Variants in MADD observed in about 807,000 individuals in gnomAD.
The protein encoded by MADD is MAP kinase-activating death domain protein.
Under a neutral mutation model 176.7 loss-of-function variants are expected in MADD, and 109 were observed. The ratio of observed to expected loss-of-function variants is 0.62; its 90% confidence interval spans 0.53 to 0.72. The LOEUF (loss-of-function observed/expected upper bound fraction) is 0.72. Ranked by LOEUF, MADD falls within the 30% of genes least tolerant of loss-of-function variation. MADD has a pLI of 0.00. For missense variants in MADD, 1,914 were observed against 2,045.5 expected, an observed-to-expected ratio of 0.94 and a Z score of 1.24; for synonymous variants, 771 against 771.3, an observed-to-expected ratio of 1.00 and a Z score of 0.01.
intron 26 of MADD, among the ~76,000 whole-genome samples, chr11:47,312,945 T>G (rs1428006512): frequency 6.6e-6 from 1 of 152,254 alleles, no homozygotes; most frequent in Non-Finnish European, 1.5e-5. Context: ...TTTGTTCACC[T>G]TGAGTTGCAA....
At chr11:47,285,946 G>A (rs949775526) in intron 14 of MADD, among the ~76,000 whole-genome samples, 4 of 152,138 alleles carry the variant, frequency 2.6e-5, no homozygotes, top group East Asian at 1.9e-4. Flanking sequence ...GCCTCATAAC[G>A]GACTCTTCCA....
rs746579562 is a variant in MADD, at chr11:47,286,476, C to T, written c.2595C>T (p.Asn865=). The change falls in exon 15 of 33, where the codon AAC becomes AAT. Residue 865 remains asparagine, a synonymous_variant. Coordinates refer to ENST00000402192, the Ensembl canonical transcript of MADD. ...ACAGTACCAGCTTCAGTCTTTCAAA[C>T]CTCACACTGCCCACCAAAGGTGCCC... 9.3e-6 allele frequency: 15 copies of T among 1,614,078 alleles called. No homozygotes were observed. In the South Asian group the frequency reaches 1.3e-4, roughly 14 times the overall value.
At chr11:47,312,146 T>C (rs985178876) in intron 26 of MADD, among the ~76,000 whole-genome samples, 2 of 152,228 alleles carry the variant, frequency 1.3e-5, no homozygotes, top group Non-Finnish European at 2.9e-5. Context: ...CAGTGATGGG[T>C]AAAACTGCTG....
chr11:47,271,425 G>A (rs930220071), intron 1 of MADD, among the ~76,000 whole-genome samples: 1 of 152,216 alleles, frequency 6.6e-6, no homozygotes. Flanking sequence ...CCTACCACCC[G>A]TAGCTAGAAT....
intron 1 of MADD, chr11:47,270,789 C>T (rs924489709): frequency 2.0e-5 from 3 of 152,468 alleles, no homozygotes; most frequent in African/African-American, 4.8e-5. Flanking sequence ...TCCCTGCCCT[C>T]CCCTCTACCC....
intron 31 of MADD, 197 bp from the exon 36 acceptor site, chr11:47,328,461 A>G (rs1245627050): frequency 1.4e-6 from 2 of 1,452,686 alleles, no homozygotes; most frequent in South Asian, 1.5e-5. Context: ...GGCTAGGGCC[A>G]TGTCCTCCCA....
At chr11:47,308,518 G>A in intron 22 of MADD, 73 bp from the exon 25 acceptor site, 1 of 1,046,160 alleles carries the variant, frequency 9.6e-7, no homozygotes, top group South Asian at 1.4e-5. Context: ...GAGCCTCTTA[G>A]TGAAGTGCGT....
chr11:47,306,173 A>C (rs1358553460), intron 22 of MADD, among the ~76,000 whole-genome samples: 2 of 152,134 alleles, frequency 1.3e-5, no homozygotes, highest in Non-Finnish European at 2.9e-5. Context: ...CTTCAGCTGC[A>C]GCCCAAGGGG....
chr11:47,324,964 G>C (rs2095247621), intron 30 of MADD: 1 of 584,508 alleles, frequency 1.7e-6, no homozygotes, highest in South Asian at 2.0e-5. Flanking sequence ...TAGACTGGCC[G>C]ATCTCCTTGT....
chr11:47,289,739 T>C (rs1002838040), intron 16 of MADD, 128 bp from the exon 18 acceptor site: 1 of 1,086,206 alleles, frequency 9.2e-7, no homozygotes, highest in Non-Finnish European at 1.3e-6. Flanking sequence ...GGGGATGTGG[T>C]GCACTTGGAC....
chr11:47,293,996 C>T lies in MADD; in HGVS notation c.3402+13C>T. ...GTCTAGTTCCCAGGTTTGTGACAAC[C>T]TTGTTGAAATTTGCAAGTATTAAAT... On this transcript the variant is annotated intron_variant, in intron 20 of 32. Coordinates refer to ENST00000402192, the Ensembl canonical transcript of MADD. 8.7e-6 allele frequency: 14 copies of T among 1,603,312 alleles called. No homozygotes were observed. Among genetic ancestry groups the T allele is most frequent in the Non-Finnish European group, 1.2e-5 (14 of 1,170,288 alleles).
At chr11:47,282,949 C>T (rs760616845) in exon 10 of MADD, 1 of 1,613,722 alleles carries the variant, frequency 6.2e-7, no homozygotes, top group East Asian at 2.2e-5. Flanking sequence ...GGGACTCTGA[C>T]TCCGAACCTA....
chr11:47,326,549 G>A (rs1189128012), intron 30 of MADD: 9 of 1,381,066 alleles, frequency 6.5e-6, no homozygotes, highest in African/African-American at 1.5e-5. Flanking sequence ...GCCAGGAGCG[G>A]AAGGTACATG....
chr11:47,316,158 C>T (rs554404662), intron 27 of MADD, among the ~76,000 whole-genome samples: 54 of 125,150 alleles, frequency 4.3e-4, no homozygotes, highest in Middle Eastern at 3.8e-3. Flanking sequence ...TACACGTGCG[C>T]GCGCACACAC....
intron 27 of MADD, among the ~76,000 whole-genome samples, chr11:47,323,257 T>A (rs935922308): frequency 2.7e-5 from 4 of 147,992 alleles, no homozygotes; most frequent in Non-Finnish European, 1.5e-5. Flanking sequence ...AAAAAAAAAT[T>A]ATAGCCAATG....
intron 22 of MADD, among the ~76,000 whole-genome samples, chr11:47,302,798 A>T (rs904142337): frequency 1.3e-5 from 2 of 151,048 alleles, no homozygotes; most frequent in Admixed American, 6.6e-5. Flanking sequence ...TGTTTTGTTA[A>T]TTGTTTTCTG....
chr11:47,303,563 T>C (rs2079809677), intron 22 of MADD, among the ~76,000 whole-genome samples: 1 of 149,584 alleles, frequency 6.7e-6, no homozygotes, highest in Admixed American at 6.7e-5. Context: ...TAGAATTCTC[T>C]CTTTGACTTT....
At chr11:47,274,118 TA>T in intron 2 of MADD, 142 bp downstream of exon 2, 1 of 774,542 alleles carries the variant, frequency 1.3e-6, no homozygotes, top group Non-Finnish European at 2.1e-6. Context: ...TCGAAGCCAG[TA>T]GGGAAAAAAC....
At chr11:47,320,927 T>A (rs977920299) in intron 27 of MADD, among the ~76,000 whole-genome samples, 96 of 151,958 alleles carry the variant, frequency 6.3e-4, no homozygotes, top group Non-Finnish European at 6.0e-4. Context: ...TCTCAAAAAA[T>A]AATAATAATA....
Sources: allele counts gnomAD v4.1 joint callset (sites outside exome capture counted in the v4.1 genomes callset), GRCh38; gene constraint gnomAD v4.1.1; transcripts MANE v1.5; gene names NCBI Gene and HGNC (gene_info 2026-07-23, HGNC 2026-07-21).